Variants in SMCHD1 observed in about 807,000 individuals in gnomAD.
SMCHD1 encodes the protein structural maintenance of chromosomes flexible hinge domain-containing protein 1.
Under a neutral mutation model 254.7 loss-of-function variants are expected in SMCHD1, and 78 were observed. The observed-to-expected ratio is 0.31, with a 90% confidence interval of 0.26 to 0.37. The LOEUF (loss-of-function observed/expected upper bound fraction) is 0.37. Ranked by LOEUF, SMCHD1 falls within the 10% of genes least tolerant of loss-of-function variation. SMCHD1 has a pLI of 1.00. For missense variants in SMCHD1, 1,840 were observed against 2,408.1 expected (o/e 0.76, Z 4.94); for synonymous variants, 766 against 794.9 (o/e 0.96, Z 0.61).
intron 41 of SMCHD1, among the ~76,000 whole-genome samples, chr18:2,774,754 A>G (rs1023224967): frequency 6.6e-6 from 1 of 152,184 alleles, no homozygotes; most frequent in Non-Finnish European, 1.5e-5. Context: ...TTGCTAGAGT[A>G]GGTTTGTGCT....
intron 1 of SMCHD1, 37 bp downstream of exon 1, chr18:2,656,298 C>T (rs2073054493): frequency 1.4e-6 from 2 of 1,428,176 alleles, no homozygotes; most frequent in African/African-American, 1.5e-5. Flanking sequence ...CGCGTGTAGA[C>T]TTGGGGGCGG....
At chr18:2,736,993 T>C (rs533405212) in intron 25 of SMCHD1, among the ~76,000 whole-genome samples, 95 of 152,246 alleles carry the variant, frequency 6.2e-4, no homozygotes, top group South Asian at 4.6e-3. Flanking sequence ...TAGGTGCCTG[T>C]CGGTAGTAGA....
rs766575963 is a variant in SMCHD1 at position 2,706,432 on chromosome 18, G to A, written c.2025G>A (p.Glu675=). The change falls in exon 15 of 48, where the codon GAG becomes GAA. Residue 675 remains glutamate (E), a synonymous_variant. Transcript: ENST00000320876. The part of the protein sequence containing the change: ...PIAKLDRTVA[E]KAVKKYVEDE... ...CAAAGCTGGATAGGACAGTTGCTGAGAAAGCTGTTAAAAAATATGTAGAAG... is the reference window on the plus strand; with the variant it reads ...CAAAGCTGGATAGGACAGTTGCTGAAAAAGCTGTTAAAAAATATGTAGAAG... The A allele has an allele frequency of 3.8e-5, 61 of 1,591,970 alleles. No individual in the cohort carries two copies. The highest frequency in any genetic ancestry group is 3.5e-4 in the Admixed American group (20 of 56,796).
chr18:2,759,489 A>ATTTTTTTTTTTTTTT (rs10673696), intron 34 of SMCHD1, among the ~76,000 whole-genome samples: 1 of 117,186 alleles, frequency 8.5e-6, no homozygotes, highest in Non-Finnish European at 1.6e-5. Flanking sequence ...TTTTCAAGCA[A>ATTTTTTTTTTTTTTT]TTTTTTTTTT....
intron 29 of SMCHD1, among the ~76,000 whole-genome samples, chr18:2,745,084 A>G (rs1466116852): frequency 6.6e-6 from 1 of 152,288 alleles, no homozygotes; most frequent in East Asian, 1.9e-4. Context: ...CTCAGGCGAT[A>G]TGTCCGCCTT....
chr18:2,741,897 C>G lies in SMCHD1; in HGVS notation c.3633+1076C>G, dbSNP rs572506791. ...ATCTTAAACAAACAAAAGGAAAAAT[C>G]CCTCCAGAAAAACCAGCAAAGCTTC... On this transcript the variant is annotated intron_variant, in intron 28 of 47. Transcript: ENST00000320876. Among the ~76,000 whole-genome samples the G allele has an allele frequency of 7.9e-5, 12 of 152,278 alleles. No homozygotes were observed. In the East Asian group the frequency reaches 2.3e-3, roughly 29 times the overall value.
At chr18:2,678,192 A>G (rs942284042) in intron 5 of SMCHD1, among the ~76,000 whole-genome samples, 2 of 151,170 alleles carry the variant, frequency 1.3e-5, no homozygotes, top group African/African-American at 4.9e-5. Flanking sequence ...GAATGCATTT[A>G]TACTGTCTTT....
At chr18:2,703,138 G>A (rs765272109) in intron 12 of SMCHD1, among the ~76,000 whole-genome samples, 12 of 152,172 alleles carry the variant, frequency 7.9e-5, no homozygotes, top group Non-Finnish European at 1.3e-4. Flanking sequence ...ATTTTGCATA[G>A]CAGTGTTTCT....
At chr18:2,789,509 A>G (rs1053895813) in intron 45 of SMCHD1, among the ~76,000 whole-genome samples, 1 of 5,146 alleles carries the variant, frequency 1.9e-4, no homozygotes, top group Admixed American at 3.9e-3. Context: ...AAAGTGAGAG[A>G]GTAGACCTGT....
chr18:2,708,714 C>G (rs1372012897), intron 17 of SMCHD1, among the ~76,000 whole-genome samples: 1 of 150,240 alleles, frequency 6.7e-6, no homozygotes, highest in Non-Finnish European at 1.5e-5. Flanking sequence ...TTCCCCTGTT[C>G]AAGCAATTCT....
chr18:2,768,254 C>T (rs897335980), intron 37 of SMCHD1, among the ~76,000 whole-genome samples: 1 of 151,506 alleles, frequency 6.6e-6, no homozygotes, highest in Admixed American at 6.6e-5. Flanking sequence ...AACCTGTAAA[C>T]ATAAGAAGCA....
At position 2,656,130 on chromosome 18, in the gene SMCHD1, G is replaced by T. The variant is rs748596758; in HGVS notation, c.55G>T (p.Asp19Tyr). 3.4e-6 allele frequency: 5 copies of T among 1,490,026 alleles called. No homozygotes were observed. The highest frequency in any genetic ancestry group is 3.6e-6 in the Non-Finnish European group (4 of 1,122,044). The allele number at this position is 1,490,026 out of a possible 1,614,324, so 92.3% of individuals were successfully genotyped here. Residue 19 changes from aspartate to tyrosine, a missense_variant, in exon 1 of 48, where the codon GAT becomes TAT. By Grantham distance (160) the Asp-to-Tyr change is radical. This residue lies in a region of SMCHD1 where 115 missense variants were observed against 99.1 expected (regional missense o/e 1.16). Transcript: ENST00000320876. ...TGGGGCCTCTGTGGGGACTGAGGAG[G>T]ATGGCGGAGGCGTCGGCCACAGGAC... The part of the protein sequence containing the change: ...PGGASVGTEE[D>Y]GGGVGHRTVY...
rs1403634867 is a variant in SMCHD1 at position 2,662,129 on chromosome 18, G to C, written c.187-4028G>C. On this transcript the variant is annotated intron_variant, in intron 1 of 47. Coordinates refer to ENST00000320876, the MANE Select transcript of SMCHD1 (RefSeq NM_015295.3). The stretch of plus-strand genomic sequence containing the variant: ...AGCCGAGATTGCGCCACTGCAGTCC[G>C]CAGTCCGGCCTGGGCGACAGAGCGA... Among the ~76,000 whole-genome samples the C allele has an allele frequency of 4.4e-5, 6 of 136,092 alleles. No homozygotes were observed. In the East Asian group the frequency reaches 1.2e-3, roughly 28 times the overall value. The allele number at this position is 136,092 out of a possible 152,430, so 89.3% of individuals were successfully genotyped here.
intron 30 of SMCHD1, among the ~76,000 whole-genome samples, chr18:2,749,087 G>A (rs895847198): frequency 2.0e-5 from 3 of 152,204 alleles, no homozygotes; most frequent in African/African-American, 7.2e-5. Flanking sequence ...GACCTGAAAA[G>A]ACTTACTTCT....
intron 15 of SMCHD1, among the ~76,000 whole-genome samples, chr18:2,707,044 A>G (rs980082022): frequency 2.0e-5 from 3 of 152,212 alleles, no homozygotes; most frequent in Admixed American, 6.5e-5. Context: ...AGAGAACAGC[A>G]TGGGGGAAAC....
At chr18:2,748,579 C>T (rs62077667) in intron 30 of SMCHD1, among the ~76,000 whole-genome samples, 44,950 of 151,174 alleles carry the variant, frequency 0.3, 6,873 homozygotes, top group East Asian at 0.49. Context: ...ATTTTTAGTA[C>T]AGACGGGGTT....
rs62077668 is a variant in SMCHD1 at position 2,750,808 on chromosome 18, C to T, written c.4165+301C>T. On this transcript the variant is annotated intron_variant, in intron 32 of 47. Transcript: ENST00000320876. ...ATTGTTGACAATAATTTTTAATAAT[C>T]AAGTTACATGTATACATAGCTTTTT... Among the ~76,000 whole-genome samples the T allele has an allele frequency of 0.19, 29,531 of 152,016 alleles. 3,118 individuals carry two copies. The highest frequency in any genetic ancestry group is 0.27 in the South Asian group (1,299 of 4,818).
chr18:2,713,175 C>T (rs1381453176), intron 17 of SMCHD1, among the ~76,000 whole-genome samples: 1 of 152,100 alleles, frequency 6.6e-6, no homozygotes, highest in Admixed American at 6.5e-5. Context: ...TTTGCCAGTC[C>T]CCTTGTTCTA....
intron 24 of SMCHD1, 148 bp downstream of exon 24, chr18:2,729,557 G>T: frequency 1.9e-6 from 1 of 535,782 alleles, no homozygotes; most frequent in African/African-American, 1.9e-5. Flanking sequence ...AAGACAATAT[G>T]AAATGCTGTA....
Sources: allele counts gnomAD v4.1 joint callset (sites outside exome capture counted in the v4.1 genomes callset), GRCh38; gene constraint gnomAD v4.1.1; regional missense constraint gnomAD v4.1.1; transcripts MANE v1.5; gene names NCBI Gene and HGNC (gene_info 2026-07-23, HGNC 2026-07-21).